GRIK1: variants seen among roughly 807,000 people sequenced by gnomAD.
The protein encoded by GRIK1 is glutamate ionotropic receptor kainate type subunit 1.
A neutral mutation model predicts 105.7 loss-of-function variants in GRIK1; 69 were observed. The ratio of observed to expected loss-of-function variants is 0.65; its 90% confidence interval spans 0.54 to 0.80. The LOEUF (loss-of-function observed/expected upper bound fraction) is 0.80, where lower values mean the gene tolerates loss of function less well. GRIK1 is among the 30% of genes least tolerant of loss of function. The pLI, the probability that GRIK1 is intolerant of heterozygous loss-of-function variation, is 0.00. For synonymous variants in GRIK1, 438 were observed against 431.3 expected (o/e 1.02, Z -0.19); for missense variants, 1,109 against 1,167.3 (o/e 0.95, Z 0.73).
At chr21:29,858,438 C>T (rs968623884) in intron 1 of GRIK1, among the ~76,000 whole-genome samples, 2 of 152,122 alleles carry the variant, frequency 1.3e-5, no homozygotes, top group African/African-American at 4.8e-5. Context: ...CAGCAATTAT[C>T]AGTCACCTCT....
At chr21:29,613,594 TTATC>T (rs921717981) in intron 7 of GRIK1, among the ~76,000 whole-genome samples, 16 of 152,122 alleles carry the variant, frequency 1.1e-4, no homozygotes, top group African/African-American at 2.4e-4. Flanking sequence ...ATTAAGGTAT[TTATC>T]TATCTATCTA....
At position 29,537,020 on chromosome 21, in the gene GRIK1, G is replaced by A. The variant is rs1276620839; in HGVS notation, c.*210C>T. 3 of 337,322 alleles carry A rather than the reference G, an allele frequency of 8.9e-6. No individual in the cohort carries two copies. The highest frequency in any genetic ancestry group is 4.8e-5 in the Admixed American group (1 of 20,832). 20.9% of individuals were successfully genotyped at this position (337,322 alleles called of 1,614,324 possible). On this transcript the variant is annotated 3_prime_UTR_variant, in exon 18 of 18. Coordinates refer to ENST00000327783, the MANE Select transcript of GRIK1 (RefSeq NM_001330994.2). The stretch of plus-strand genomic sequence containing the variant: ...GAAAAAGAAAAAATGCAAAATAATT[G>A]AGCATACAAATTTATTTTAAAAGAA...
rs2063553063 is a variant in GRIK1, at chr21:29,689,848, T to C, written c.424A>G (p.Asn142Asp). ...QTRWKHPSVD[N>D]KDLFYINLYP... Reference sequence around the variant, plus strand: ...AGGTTGATGTAAAACAAATCTTTGTTGTCCACCGAGGGGTGTTTCCAGCGG... The same window carrying C: ...AGGTTGATGTAAAACAAATCTTTGTCGTCCACCGAGGGGTGTTTCCAGCGG... The change falls in exon 3 of 18, where the codon AAC (asparagine) becomes GAC (aspartate). Residue 142 changes from asparagine (N) to aspartate (D), a missense_variant. Physicochemically the swap from Asn to Asp is conservative, Grantham distance 23. This residue lies in a region of GRIK1 where 612 missense variants were observed against 586.0 expected (regional missense o/e 1.04). Coordinates refer to ENST00000327783, the MANE Select transcript of GRIK1 (RefSeq NM_001330994.2). The C allele has an allele frequency of 1.2e-6, 2 of 1,614,088 alleles. No individual in the cohort carries two copies.
At chr21:29,616,724 A>G (rs2061859401) in intron 7 of GRIK1, among the ~76,000 whole-genome samples, 1 of 152,222 alleles carries the variant, frequency 6.6e-6, no homozygotes, top group Non-Finnish European at 1.5e-5. Context: ...ACTTAATTAG[A>G]CTATGGTTAT....
intron 1 of GRIK1, among the ~76,000 whole-genome samples, chr21:29,880,779 G>A (rs1163119737): frequency 6.6e-6 from 1 of 152,152 alleles, no homozygotes; most frequent in East Asian, 1.9e-4. Context: ...GCTCAGGGAT[G>A]TCTTGATAGT....
intron 6 of GRIK1, among the ~76,000 whole-genome samples, chr21:29,644,130 G>A (rs1045053505): frequency 2.0e-5 from 3 of 152,042 alleles, no homozygotes; most frequent in Admixed American, 2.0e-4. Context: ...CATATACTAT[G>A]CATTGATTGC....
At chr21:29,824,015 A>G (rs1462954496) in intron 1 of GRIK1, among the ~76,000 whole-genome samples, 7 of 152,006 alleles carry the variant, frequency 4.6e-5, no homozygotes, top group Admixed American at 1.3e-4. Context: ...GAGAACAGAT[A>G]TAATGGGGCA....
chr21:29,576,983 G>A lies in GRIK1; in HGVS notation c.2111C>T (p.Ser704Leu), dbSNP rs753645946. The A allele has an allele frequency of 6.2e-7, 1 of 1,603,924 alleles. No homozygotes were observed. Among genetic ancestry groups the A allele is most frequent in the South Asian group, 1.1e-5 (1 of 90,830 alleles). ...KIEYGAVRDG[S>L]TMTFFKKSKI... The stretch of plus-strand genomic sequence containing the variant: ...TCTTACCTTGAAGAAGGTCATTGTT[G>A]ATCCATCTCTAACCGCCCCATATTC... The change falls in exon 14 of 18, where the codon TCA becomes TTA. Residue 704 changes from serine to leucine, a missense_variant. Around this residue, in one of 5 missense-constraint regions of GRIK1, gnomAD observed 264 missense variants for 306.9 expected, o/e 0.86. Transcript: ENST00000327783.
intron 3 of GRIK1, among the ~76,000 whole-genome samples, chr21:29,674,701 C>T (rs1282784548): frequency 6.6e-6 from 1 of 152,122 alleles, no homozygotes; most frequent in African/African-American, 2.4e-5. Context: ...TTTCTTCCTT[C>T]CTGTTTACCT....
chr21:29,659,143 C>T (rs2062912082), intron 4 of GRIK1, among the ~76,000 whole-genome samples: 1 of 152,092 alleles, frequency 6.6e-6, no homozygotes, highest in Admixed American at 6.6e-5. Flanking sequence ...CAATTCCCCT[C>T]CCTTTTAAAA....
At chr21:29,932,900 T>G (rs2146364553) in intron 1 of GRIK1, among the ~76,000 whole-genome samples, 1 of 151,684 alleles carries the variant, frequency 6.6e-6, no homozygotes, top group South Asian at 2.1e-4. Context: ...TAAAACAATG[T>G]TAAAAAGCAA....
At chr21:29,697,966 T>TCTC (rs2063741666) in intron 1 of GRIK1, among the ~76,000 whole-genome samples, 1 of 149,528 alleles carries the variant, frequency 6.7e-6, no homozygotes, top group Non-Finnish European at 1.5e-5. Context: ...TCTTCCTTTC[T>TCTC]TTCTTTCTCT....
intron 1 of GRIK1, among the ~76,000 whole-genome samples, chr21:29,841,520 C>A (rs1224515174): frequency 1.3e-5 from 2 of 152,148 alleles, no homozygotes; most frequent in Admixed American, 1.3e-4. Flanking sequence ...CCTATTCACT[C>A]TTTTGCCCCA....
intron 15 of GRIK1, among the ~76,000 whole-genome samples, chr21:29,560,496 TTTCCTTCC>T (rs772236978): frequency 0.02 from 618 of 30,244 alleles, 80 homozygotes; most frequent in African/African-American, 0.049. Flanking sequence ...TCTTTCTTTC[TTTCCTTCC>T]TTCCTTCCTT....
intron 1 of GRIK1, among the ~76,000 whole-genome samples, chr21:29,851,056 CTT>C (rs11301678): frequency 8.2e-5 from 12 of 146,462 alleles, no homozygotes; most frequent in African/African-American, 2.0e-4. Flanking sequence ...GAAATGATTT[CTT>C]TTTTTTTTTT....
chr21:29,919,359 TC>T (rs1367436036), intron 1 of GRIK1, among the ~76,000 whole-genome samples: 1 of 152,052 alleles, frequency 6.6e-6, no homozygotes, highest in Non-Finnish European at 1.5e-5. Flanking sequence ...GAAAAGTGTC[TC>T]TTGTTGGCGG....
intron 7 of GRIK1, among the ~76,000 whole-genome samples, chr21:29,609,555 G>T (rs904730933): frequency 6.6e-6 from 1 of 152,166 alleles, no homozygotes; most frequent in Non-Finnish European, 1.5e-5. Flanking sequence ...AAAGAAGATT[G>T]CTCTCTCCGC....
intron 16 of GRIK1, among the ~76,000 whole-genome samples, chr21:29,538,615 AAAGGTTATAG>A (rs2089920058): frequency 6.6e-6 from 1 of 152,150 alleles, no homozygotes; most frequent in Non-Finnish European, 1.5e-5. Flanking sequence ...AGCCTTTGGT[AAAGGTTATAG>A]AAGTGCAAGC....
rs2091151610 is a variant in GRIK1 at position 29,587,397 on chromosome 21, C to T, written c.1762G>A (p.Gly588Arg). 1 of 1,613,102 alleles carries T rather than the reference C, an allele frequency of 6.2e-7. No homozygotes were observed. Among genetic ancestry groups the T allele is most frequent in the Admixed American group, 1.7e-5 (1 of 60,000 alleles). Residue 588 changes from glycine to arginine, a missense_variant, in exon 12 of 18, where the codon GGA becomes AGA. Gly to Arg is a moderately radical substitution (Grantham distance 125). Around this residue, in one of 5 missense-constraint regions of GRIK1, gnomAD observed 264 missense variants for 306.9 expected, o/e 0.86. Transcript: ENST00000327783. ...ATCACAAAGAGTACACAGCTGACTC[C>T]CAAGCAGGCTAAGAGCACATACATC... is the stretch of plus-strand genomic sequence containing the variant. Reference protein sequence around the residue: ...IWMYVLLACLGVSCVLFVIAR... With the variant: ...IWMYVLLACLRVSCVLFVIAR...
Sources: gnomAD v4.1 joint callset for allele counts (sites outside exome capture counted in the v4.1 genomes callset) on GRCh38, gnomAD v4.1.1 for gene constraint, gnomAD v4.1.1 regional missense constraint, MANE v1.5 for transcripts, NCBI Gene and HGNC (gene_info 2026-07-23, HGNC 2026-07-21) for gene names.